Variants in GRB2 observed in about 807,000 individuals in gnomAD.
GRB2 encodes the protein growth factor receptor-bound protein 2.
Under a neutral mutation model 27.4 loss-of-function variants are expected in GRB2, and 2 were observed. The observed-to-expected ratio is 0.07, with a 90% CI of 0.03 to 0.23. The LOEUF is 0.23. Ranked by LOEUF, GRB2 falls within the 10% of genes least tolerant of loss-of-function variation. The pLI, the probability that GRB2 is intolerant of heterozygous loss-of-function variation, is 1.00. For synonymous variants in GRB2, 94 were observed against 99.6 expected, an observed-to-expected ratio of 0.94 and a Z score of 0.33; for missense variants, 102 against 282.4, an observed-to-expected ratio of 0.36 and a Z score of 4.58.
At chr17:75,345,628 A>T (rs914336928) in intron 2 of GRB2, among the ~76,000 whole-genome samples, 1 of 152,100 alleles carries the variant, frequency 6.6e-6, no homozygotes, top group African/African-American at 2.4e-5. Context: ...TCTAGTTCCA[A>T]ATCGGGAAAG....
chr17:75,397,816 A>AATTTATTTATTTATTTATTT (rs57166874), intron 1 of GRB2, among the ~76,000 whole-genome samples: 17 of 147,920 alleles, frequency 1.1e-4, no homozygotes, highest in Middle Eastern at 3.4e-3. Context: ...AATCACTCAA[A>AATTTATTTATTTATTTATTT]ATTTATTTAT....
chr17:75,332,645 G>A, intron 3 of GRB2, 55 bp downstream of exon 3: 2 of 972,258 alleles, frequency 2.1e-6, no homozygotes, highest in South Asian at 1.4e-5. Context: ...TAAAAAGAGT[G>A]TTTGAAACAA....
At position 75,347,382 on chromosome 17, in the gene GRB2, C is replaced by G. The variant is rs184709401; in HGVS notation, c.79-14585G>C. Among the ~76,000 whole-genome samples, 411 of 152,256 alleles carry G rather than the reference C, an allele frequency of 2.7e-3. 7 individuals are homozygous for G. Among genetic ancestry groups the G allele is most frequent in the Non-Finnish European group, 3.5e-4 (24 of 68,012 alleles). On this transcript the variant is annotated intron_variant, in intron 2 of 5. Transcript: ENST00000316804. ...CTTCACCTATTTTACATCTACCTACCCTTTCCGAATTGATTTTCTACACTG... is the reference window on the plus strand; with the variant it reads ...CTTCACCTATTTTACATCTACCTACGCTTTCCGAATTGATTTTCTACACTG...
At chr17:75,333,828 G>C (rs1182977106) in intron 2 of GRB2, among the ~76,000 whole-genome samples, 1 of 152,172 alleles carries the variant, frequency 6.6e-6, no homozygotes, top group East Asian at 1.9e-4. Flanking sequence ...TGGAAATCCT[G>C]GAACTGAACC....
chr17:75,392,735 C>T (rs2079006203), intron 2 of GRB2, among the ~76,000 whole-genome samples: 1 of 152,138 alleles, frequency 6.6e-6, no homozygotes. Flanking sequence ...AACACTCATC[C>T]TCGTTAAAAT....
At chr17:75,361,888 A>AT in intron 2 of GRB2, among the ~76,000 whole-genome samples, 1 of 151,580 alleles carries the variant, frequency 6.6e-6, no homozygotes, top group East Asian at 1.9e-4. Flanking sequence ...AAAAAAAAAA[A>AT]GGGATTATTA....
chr17:75,395,501 G>GTCAGAGTA (rs1373056226), intron 1 of GRB2, among the ~76,000 whole-genome samples: 2 of 152,280 alleles, frequency 1.3e-5, no homozygotes, highest in East Asian at 3.9e-4. Context: ...AATTTTAAAA[G>GTCAGAGTA]TCAGAGTATT....
chr17:75,363,116 T>C (rs2078795671), intron 2 of GRB2, among the ~76,000 whole-genome samples: 1 of 152,168 alleles, frequency 6.6e-6, no homozygotes, highest in African/African-American at 2.4e-5. Context: ...ACAAAGTATG[T>C]GTATCTGTTT....
At chr17:75,371,954 G>C (rs1475886564) in intron 2 of GRB2, 1 of 152,146 alleles carries the variant, frequency 6.6e-6, no homozygotes. Context: ...ATTAAAATGA[G>C]TATCTACAAT....
At chr17:75,343,890 GAA>G (rs201955663) in intron 2 of GRB2, among the ~76,000 whole-genome samples, 1 of 152,126 alleles carries the variant, frequency 6.6e-6, no homozygotes, top group Non-Finnish European at 1.5e-5. Context: ...GAGGTTTCAA[GAA>G]AAATCTGTGT....
At chr17:75,353,807 G>C (rs1338335325) in intron 2 of GRB2, among the ~76,000 whole-genome samples, 1 of 151,966 alleles carries the variant, frequency 6.6e-6, no homozygotes, top group African/African-American at 2.4e-5. Flanking sequence ...GGGAGGCCGA[G>C]GCAGGCGGAT....
At chr17:75,350,495 A>T (rs1240455271) in intron 2 of GRB2, among the ~76,000 whole-genome samples, 1 of 151,998 alleles carries the variant, frequency 6.6e-6, no homozygotes, top group Non-Finnish European at 1.5e-5. Context: ...TTATTTATTT[A>T]TTTTTATTTT....
At chr17:75,330,071 G>A (rs996428241) in intron 3 of GRB2, among the ~76,000 whole-genome samples, 5 of 152,030 alleles carry the variant, frequency 3.3e-5, no homozygotes, top group African/African-American at 9.7e-5. Context: ...ACAGGCAAAT[G>A]TTTTGAAAGT....
intron 2 of GRB2, chr17:75,370,966 A>G (rs1257063328): frequency 6.6e-6 from 1 of 152,242 alleles, no homozygotes; most frequent in African/African-American, 2.4e-5. Flanking sequence ...AAATGTCCAA[A>G]AACAAAAACT....
chr17:75,337,648 G>GC (rs2078587112), intron 2 of GRB2, among the ~76,000 whole-genome samples: 1 of 148,346 alleles, frequency 6.7e-6, no homozygotes, highest in Non-Finnish European at 1.5e-5. Flanking sequence ...TCGGCTCACT[G>GC]CAAGGTCCGC....
chr17:75,346,956 G>T (rs1364102508), intron 2 of GRB2, among the ~76,000 whole-genome samples: 1 of 152,092 alleles, frequency 6.6e-6, no homozygotes, highest in African/African-American at 2.4e-5. Context: ...GCCTGCAGAA[G>T]GTCAGACGAA....
rs35158011 is a variant in GRB2, at chr17:75,368,215, G to GTTT, written c.78+25333_78+25335dup. On this transcript the variant is annotated intron_variant, in intron 2 of 5. Transcript: ENST00000316804. Reference sequence around the variant, plus strand: ...AAGATAAGAGGCACTGTGCTCAGCTGTTTTTTTTTTTTTTTTGAGACAGAG... The same window carrying GTTT: ...AAGATAAGAGGCACTGTGCTCAGCTGTTTTTTTTTTTTTTTTTTTGAGACAGAG... Among the ~76,000 whole-genome samples, 19 of 131,626 alleles carry GTTT rather than the reference G, an allele frequency of 1.4e-4. 2 individuals carry two copies. Among genetic ancestry groups the GTTT allele is most frequent in the East Asian group, 2.2e-4 (1 of 4,482 alleles). The allele number at this position is 131,626 out of a possible 152,430, so 86.4% of individuals were successfully genotyped here. A position where few individuals can be genotyped will look rare whatever the true frequency, so the allele number is the denominator to read the frequency against.
In GRB2 at chr17:75,318,673, T is replaced by TGGGG. The variant is rs1275717284; in HGVS notation, c.*1691_*1694dup. ...TGCTTCCTGGGACCATCGGTAGGGG[T>TGGGG]GGGGAGCAGCAGTCAACACAGCCCA... is the stretch of plus-strand genomic sequence containing the variant. On this transcript the variant is annotated 3_prime_UTR_variant, in exon 6 of 6. Coordinates refer to ENST00000316804, the MANE Select transcript of GRB2 (RefSeq NM_002086.5). 1 of 151,344 alleles carries TGGGG rather than the reference T, an allele frequency of 6.6e-6. No homozygotes were observed. The highest frequency in any genetic ancestry group is 1.5e-5 in the Non-Finnish European group (1 of 67,918). The allele number at this position is 151,344 out of a possible 1,614,324, so 9.4% of individuals were successfully genotyped here. A position where few individuals can be genotyped will look rare whatever the true frequency, so the allele number is the denominator to read the frequency against.
At chr17:75,323,314 A>G (rs962001842) in intron 4 of GRB2, among the ~76,000 whole-genome samples, 1 of 152,118 alleles carries the variant, frequency 6.6e-6, no homozygotes, top group African/African-American at 2.4e-5. Flanking sequence ...ATACTGCTTT[A>G]CATGTTAAGA....
Sources: gnomAD v4.1 joint callset for allele counts (sites outside exome capture counted in the v4.1 genomes callset) on GRCh38, gnomAD v4.1.1 for gene constraint, MANE v1.5 for transcripts, NCBI Gene and HGNC (gene_info 2026-07-23, HGNC 2026-07-21) for gene names.